Variants in STK31 observed in about 807,000 individuals in gnomAD.
The protein encoded by STK31 is serine/threonine-protein kinase 31.
Under a neutral mutation model 129.7 loss-of-function variants are expected in STK31, and 89 were observed. The observed-to-expected ratio is 0.69, with a 90% CI of 0.58 to 0.82. The LOEUF is 0.82. Among genes scored for constraint, STK31 ranks in the 40% least tolerant of loss-of-function variants. The pLI is 0.00. For missense variants in STK31, 1,187 were observed against 1,176.4 expected, an observed-to-expected ratio of 1.01 and a Z score of -0.13; for synonymous variants, 448 against 395.3, an observed-to-expected ratio of 1.13 and a Z score of -1.58.
At chr7:23,710,742 G>A in intron 1 of STK31, 1 of 1,055,018 alleles carries the variant, frequency 9.5e-7, no homozygotes, top group Non-Finnish European at 1.1e-6. Context: ...GCAGAAAGTG[G>A]GTACGGCATC....
At chr7:23,770,962 G>T in intron 13 of STK31, 43 bp from the exon 14 acceptor site, 1 of 1,560,922 alleles carries the variant, frequency 6.4e-7, no homozygotes, top group Non-Finnish European at 8.6e-7. Flanking sequence ...AGCTGTTTTG[G>T]ATATTCCTTT....
chr7:23,745,539 GTT>G (rs538960718), intron 8 of STK31, among the ~76,000 whole-genome samples: 312 of 152,356 alleles, frequency 2.0e-3, no homozygotes, highest in Non-Finnish European at 3.3e-3. Context: ...AGGTGGGAAA[GTT>G]TGTCCTTTGG....
At chr7:23,724,748 C>G (rs1394108821) in intron 4 of STK31, among the ~76,000 whole-genome samples, 2 of 152,232 alleles carry the variant, frequency 1.3e-5, no homozygotes, top group East Asian at 3.8e-4. Context: ...TTACTGCTCT[C>G]TCTTGCCCTT....
intron 22 of STK31, among the ~76,000 whole-genome samples, chr7:23,793,506 A>C (rs1791762899): frequency 6.6e-6 from 1 of 152,328 alleles, no homozygotes; most frequent in South Asian, 2.1e-4. Context: ...CAAAAATATT[A>C]TATCCAGATT....
chr7:23,784,650 A>G (rs1452489877), intron 17 of STK31, among the ~76,000 whole-genome samples: 1 of 152,128 alleles, frequency 6.6e-6, no homozygotes, highest in Non-Finnish European at 1.5e-5. Context: ...TAGGTTGATT[A>G]TGTATTGTAG....
At chr7:23,773,826 C>T (rs1481659169) in intron 15 of STK31, among the ~76,000 whole-genome samples, 2 of 151,430 alleles carry the variant, frequency 1.3e-5, no homozygotes, top group Non-Finnish European at 2.9e-5. Context: ...ATGTGCACAA[C>T]GTGCAGGTTT....
At chr7:23,801,794 AGTGTTATTCTCT>A (rs1254380136) in intron 22 of STK31, among the ~76,000 whole-genome samples, 3 of 132,920 alleles carry the variant, frequency 2.3e-5, no homozygotes, top group Non-Finnish European at 4.9e-5. Context: ...TTTTTAAGAG[AGTGTTATTCTCT>A]GTTGAATTGT....
At chr7:23,779,084 A>G (rs1790741675) in intron 15 of STK31, among the ~76,000 whole-genome samples, 2 of 151,958 alleles carry the variant, frequency 1.3e-5, no homozygotes, top group Admixed American at 6.6e-5. Flanking sequence ...TTTCCTTCTA[A>G]CAGTCAGTCC....
upstream of STK31, chr7:23,710,120 A>G: frequency 8.0e-7 from 1 of 1,244,088 alleles, no homozygotes; most frequent in South Asian, 1.4e-5. Context: ...CGGCTCCCGC[A>G]CGCTTCTTCC....
chr7:23,724,595 A>G (rs1190258409), intron 4 of STK31, among the ~76,000 whole-genome samples: 2 of 152,208 alleles, frequency 1.3e-5, no homozygotes, highest in Admixed American at 6.5e-5. Flanking sequence ...ATTATTAATC[A>G]TATTGTGATG....
chr7:23,743,329 G>A (rs188637791), intron 8 of STK31, among the ~76,000 whole-genome samples: 2 of 152,276 alleles, frequency 1.3e-5, no homozygotes, highest in Non-Finnish European at 2.9e-5. Context: ...TGTAGGGATG[G>A]TCTAGTGCTG....
chr7:23,766,904 A>G (rs2128101552), intron 11 of STK31, among the ~76,000 whole-genome samples: 1 of 152,334 alleles, frequency 6.6e-6, no homozygotes, highest in East Asian at 1.9e-4. Flanking sequence ...AACTAAATAA[A>G]TAAATACAAT....
chr7:23,795,854 G>A (rs141884182), intron 22 of STK31, among the ~76,000 whole-genome samples: 1 of 152,296 alleles, frequency 6.6e-6, no homozygotes, highest in African/African-American at 2.4e-5. Flanking sequence ...CTCCCATTTG[G>A]AACAGGTGTA....
At chr7:23,742,135 G>T (rs905131678) in intron 8 of STK31, among the ~76,000 whole-genome samples, 3 of 152,202 alleles carry the variant, frequency 2.0e-5, no homozygotes, top group African/African-American at 7.2e-5. Context: ...GGCAGTGACT[G>T]GGGCTGTGTC....
intron 23 of STK31, among the ~76,000 whole-genome samples, chr7:23,827,387 G>T (rs778692920): frequency 6.6e-6 from 1 of 151,700 alleles, no homozygotes; most frequent in Admixed American, 6.6e-5. Flanking sequence ...AGTTGATCGC[G>T]TCGGTTACTG....
chr7:23,769,853 A>G (rs890299751), intron 13 of STK31, 97 bp downstream of exon 13: 118 of 753,816 alleles, frequency 1.6e-4, no homozygotes, highest in Non-Finnish European at 7.6e-5. Flanking sequence ...TTTTCTTGCT[A>G]GTTAGAAAGT....
chr7:23,754,524 G>C, intron 10 of STK31, 50 bp downstream of exon 10: 1 of 1,511,690 alleles, frequency 6.6e-7, no homozygotes, highest in Admixed American at 2.2e-5. Context: ...TGAACATAAG[G>C]AAGTGTTTTT....
intron 11 of STK31, among the ~76,000 whole-genome samples, chr7:23,763,825 G>A (rs1019355386): frequency 2.0e-5 from 3 of 152,102 alleles, no homozygotes; most frequent in East Asian, 3.9e-4. Context: ...TCATTTTCAA[G>A]TGTTTTCATT....
chr7:23,722,827 A>G (rs1003376187), intron 4 of STK31: 1 of 152,526 alleles, frequency 6.6e-6, no homozygotes, highest in Non-Finnish European at 1.5e-5. Context: ...CTTGCAGTTC[A>G]TCTGAGACTG....
Sources: allele counts gnomAD v4.1 joint callset (sites outside exome capture counted in the v4.1 genomes callset), GRCh38; gene constraint gnomAD v4.1.1; transcripts MANE v1.5; gene names NCBI Gene and HGNC (gene_info 2026-07-23, HGNC 2026-07-21).